HDAC9: variants seen among roughly 807,000 people sequenced by gnomAD.
HDAC9 encodes histone deacetylase 9.
HDAC9 carries 41 observed loss-of-function variants against 139.4 expected under a neutral mutation model. That is an observed-to-expected ratio of 0.29 (90% CI 0.23 to 0.38). The LOEUF (loss-of-function observed/expected upper bound fraction) is 0.38, where lower values mean the gene tolerates loss of function less well. Among genes scored for constraint, HDAC9 ranks in the 10% least tolerant of loss-of-function variants. HDAC9 has a pLI of 1.00. For synonymous variants in HDAC9, 517 were observed against 476.2 expected (o/e 1.09, Z -1.12); for missense variants, 1,147 against 1,297.0 (o/e 0.88, Z 1.78).
intron 1 of HDAC9, among the ~76,000 whole-genome samples, chr7:18,384,322 G>C (rs1420345767): frequency 1.3e-5 from 2 of 151,820 alleles, no homozygotes; most frequent in Non-Finnish European, 2.9e-5. Context: ...AAAAAAAAAT[G>C]CGTACACTCA....
intron 1 of HDAC9, among the ~76,000 whole-genome samples, chr7:18,471,366 A>G (rs574161532): frequency 3.9e-4 from 60 of 152,298 alleles, no homozygotes; most frequent in Middle Eastern, 3.4e-3. Flanking sequence ...CTGCTTTTAC[A>G]CAATACCTTT....
At chr7:18,762,029 A>G (rs1368770156) in intron 14 of HDAC9, 128 bp from the exon 15 acceptor site, 11 of 992,940 alleles carry the variant, frequency 1.1e-5, no homozygotes, top group African/African-American at 1.6e-5. Context: ...TTTACTAAGC[A>G]AATCAGTGTC....
chr7:18,324,713 A>G (rs1338050594), intron 1 of HDAC9, among the ~76,000 whole-genome samples: 1 of 152,156 alleles, frequency 6.6e-6, no homozygotes, highest in East Asian at 1.9e-4. Flanking sequence ...TTGTGTGCAC[A>G]TTAAATTTGA....
chr7:18,923,320 C>G lies in HDAC9; in HGVS notation c.2804-12489C>G, dbSNP rs188895872. Among the ~76,000 whole-genome samples the G allele has an allele frequency of 3.1e-3, 475 of 152,214 alleles. 4 individuals are homozygous for G. The highest frequency in any genetic ancestry group is 0.01 in the African/African-American group (435 of 41,558). ...GCTGCGTATCCCTAGTGTATTCCAG[C>G]TTGACTCCCAGTCTAATGCATCTGC... On this transcript the variant is annotated intron_variant, in intron 22 of 25. Coordinates refer to ENST00000686413, the MANE Select transcript of HDAC9 (RefSeq NM_178425.4).
chr7:18,392,603 G>A (rs1786637126), intron 1 of HDAC9, among the ~76,000 whole-genome samples: 1 of 151,944 alleles, frequency 6.6e-6, no homozygotes, highest in South Asian at 2.1e-4. Flanking sequence ...TCCAACTAAT[G>A]CAATTTTCCA....
chr7:18,277,271 C>T (rs1230952787), intron 2 of HDAC9, among the ~76,000 whole-genome samples: 2 of 152,090 alleles, frequency 1.3e-5, no homozygotes, highest in Non-Finnish European at 2.9e-5. Flanking sequence ...GTGGCAGGCT[C>T]TGCTTGGATG....
chr7:18,727,843 T>C, intron 13 of HDAC9, 86 bp downstream of exon 13: 1 of 1,073,030 alleles, frequency 9.3e-7, no homozygotes, highest in Non-Finnish European at 1.3e-6. Flanking sequence ...TCTGAATAAC[T>C]CCAATAGCAG....
intron 23 of HDAC9, among the ~76,000 whole-genome samples, chr7:18,953,090 T>C (rs1225123144): frequency 6.6e-6 from 1 of 152,032 alleles, no homozygotes; most frequent in South Asian, 2.1e-4. Context: ...TGGTAATCCC[T>C]GTGTTTTTTT....
intron 1 of HDAC9, among the ~76,000 whole-genome samples, chr7:18,444,979 G>T (rs1175476261): frequency 1.3e-5 from 2 of 152,090 alleles, no homozygotes; most frequent in African/African-American, 4.8e-5. Flanking sequence ...TAAGACCCAG[G>T]GCTGGAAATG....
At position 18,987,806 on chromosome 7, in the gene HDAC9, G is replaced by C. The variant is rs1161935284; in HGVS notation, c.3171-8217G>C. Among the ~76,000 whole-genome samples the C allele has an allele frequency of 1.4e-4, 21 of 152,280 alleles. No individual in the cohort carries two copies. In the East Asian group the frequency reaches 4.0e-3, roughly 29 times the overall value. The stretch of plus-strand genomic sequence containing the variant: ...CTGGTTTAGTCTTGGGAGAGTGTAT[G>C]TGTCCAGGAATTTATCCATTTCTTC... On this transcript the variant is annotated intron_variant, in intron 25 of 25. Transcript: ENST00000686413.
chr7:18,744,420 T>C (rs1029584780), intron 13 of HDAC9, among the ~76,000 whole-genome samples: 7 of 152,222 alleles, frequency 4.6e-5, no homozygotes, highest in African/African-American at 1.7e-4. Context: ...ATATTTGTGC[T>C]GTGCTAGTCC....
At chr7:18,787,442 A>T (rs1249120676) in intron 16 of HDAC9, among the ~76,000 whole-genome samples, 2 of 152,206 alleles carry the variant, frequency 1.3e-5, no homozygotes, top group African/African-American at 2.4e-5. Flanking sequence ...GATAGATTTT[A>T]ATTCTGGCAA....
chr7:18,280,616 T>A (rs1017346766), intron 2 of HDAC9, among the ~76,000 whole-genome samples: 2 of 145,542 alleles, frequency 1.4e-5, no homozygotes, highest in Non-Finnish European at 3.0e-5. Flanking sequence ...ACAAAAAAAA[T>A]AGCTGGCGTG....
chr7:18,242,843 G>A (rs564826553), intron 2 of HDAC9, among the ~76,000 whole-genome samples: 2 of 152,122 alleles, frequency 1.3e-5, no homozygotes, highest in African/African-American at 4.8e-5. Flanking sequence ...TGTACCTTTA[G>A]AATGGAAGGG....
At chr7:18,877,921 A>G (rs753695642) in intron 22 of HDAC9, among the ~76,000 whole-genome samples, 9 of 152,136 alleles carry the variant, frequency 5.9e-5, no homozygotes, top group Non-Finnish European at 1.3e-4. Context: ...AACAATCTGA[A>G]TTACTTACTT....
At chr7:18,108,168 G>C (rs1233874701) in intron 1 of HDAC9, among the ~76,000 whole-genome samples, 1 of 152,154 alleles carries the variant, frequency 6.6e-6, no homozygotes, top group African/African-American at 2.4e-5. Context: ...GCTCTTCTAG[G>C]GGGTGTTAAT....
intron 12 of HDAC9, among the ~76,000 whole-genome samples, chr7:18,721,528 T>C (rs576332352): frequency 9.8e-4 from 150 of 152,336 alleles, no homozygotes; most frequent in African/African-American, 3.4e-3. Context: ...AAGTAGTCTA[T>C]GAGTGTCTCT....
intron 12 of HDAC9, among the ~76,000 whole-genome samples, chr7:18,701,426 A>C (rs1439687403): frequency 1.3e-5 from 2 of 151,820 alleles, no homozygotes; most frequent in South Asian, 2.1e-4. Context: ...CAAAAAAAAA[A>C]AACACAACTG....
chr7:18,558,767 A>C (rs1330963997), intron 2 of HDAC9, among the ~76,000 whole-genome samples: 1 of 152,188 alleles, frequency 6.6e-6, no homozygotes, highest in African/African-American at 2.4e-5. Flanking sequence ...TTTAGCCTCA[A>C]ATGGTCTCGA....
Sources: gnomAD v4.1 joint callset for allele counts (sites outside exome capture counted in the v4.1 genomes callset) on GRCh38, gnomAD v4.1.1 for gene constraint, MANE v1.5 for transcripts, NCBI Gene and HGNC (gene_info 2026-07-23, HGNC 2026-07-21) for gene names.